The following ANKRD30B variants were observed in gnomAD, a reference collection of about 807,000 sequenced individuals.
ANKRD30B encodes ankyrin repeat domain 30B, also known as ankyrin repeat domain-containing protein 30B.
ANKRD30B carries 144 observed loss-of-function variants against 202.2 expected under a neutral mutation model. The ratio of observed to expected loss-of-function variants is 0.71; its 90% CI spans 0.62 to 0.82. The LOEUF (loss-of-function observed/expected upper bound fraction) is 0.82, where lower values mean the gene tolerates loss of function less well. Ranked by LOEUF, ANKRD30B falls within the 40% of genes least tolerant of loss-of-function variation. The pLI is 0.00. For missense variants in ANKRD30B, 1,487 were observed against 1,669.1 expected (o/e 0.89, Z 1.90); for synonymous variants, 508 against 561.3 (o/e 0.91, Z 1.34).
downstream of ANKRD30B, among the ~76,000 whole-genome samples, chr18:14,854,957 G>C (rs1176077306): frequency 6.6e-6 from 1 of 151,994 alleles, no homozygotes; most frequent in African/African-American, 2.4e-5. Flanking sequence ...CTTGGAGAGG[G>C]GGATGTGGCA....
the ANKRD30B span, among the ~76,000 whole-genome samples, chr18:14,879,073 G>A: frequency 8.6e-5 from 13 of 151,832 alleles, no homozygotes; most frequent in African/African-American, 2.2e-4. Context: ...GCACAGACCC[G>A]GGGGACACCG....
the ANKRD30B span, among the ~76,000 whole-genome samples, chr18:14,899,240 GATGA>G: frequency 6.6e-6 from 1 of 151,950 alleles, no homozygotes; most frequent in Non-Finnish European, 1.5e-5. Flanking sequence ...TTCAACAAAT[GATGA>G]ATGTTCTTCA....
chr18:14,846,871 G>A (rs1971660351), intron 39 of ANKRD30B, among the ~76,000 whole-genome samples: 2 of 150,658 alleles, frequency 1.3e-5, no homozygotes, highest in Non-Finnish European at 1.5e-5. Context: ...TATCCGTTCT[G>A]ACAATCTGCC....
At chr18:14,902,376 T>C in the ANKRD30B span, among the ~76,000 whole-genome samples, 1 of 152,190 alleles carries the variant, frequency 6.6e-6, no homozygotes, top group East Asian at 1.9e-4. Context: ...ATACAAGTAT[T>C]ACAGGCAAAA....
At chr18:14,892,993 G>T in the ANKRD30B span, among the ~76,000 whole-genome samples, 1 of 152,004 alleles carries the variant, frequency 6.6e-6, no homozygotes, top group African/African-American at 2.4e-5. Context: ...TAGGGTTAAG[G>T]ATACCAAAAA....
the ANKRD30B span, among the ~76,000 whole-genome samples, chr18:14,914,449 G>A: frequency 9.2e-5 from 14 of 152,298 alleles, no homozygotes; most frequent in Non-Finnish European, 1.8e-4. Context: ...AGACCAGAGA[G>A]CTCTGGGAAC....
Position 14,810,467 on chromosome 18 carries a change from G to C in ANKRD30B, c.2488+287G>C, listed in dbSNP as rs1462459937. Among the ~76,000 whole-genome samples the C allele has an allele frequency of 3.3e-5, 5 of 151,344 alleles. No individual in the cohort carries two copies. The East Asian group carries it at 9.7e-4, about 29-fold the overall frequency. On this transcript the variant is annotated intron_variant, in intron 28 of 43. Coordinates refer to ENST00000690538, the MANE Select transcript of ANKRD30B (RefSeq NM_001367607.2). ...CTGTACGTGCTCAGTTTTACGGCAG[G>C]TGAATTTTGAAACTGTGAAATATTT...
At chr18:14,799,630 G>T (rs1169917874) in intron 22 of ANKRD30B, among the ~76,000 whole-genome samples, 4 of 152,068 alleles carry the variant, frequency 2.6e-5, no homozygotes, top group Non-Finnish European at 5.9e-5. Flanking sequence ...ATGCTGACTG[G>T]AATTCTGATC....
At chr18:14,766,528 A>T (rs963254348) in intron 7 of ANKRD30B, among the ~76,000 whole-genome samples, 2 of 134,412 alleles carry the variant, frequency 1.5e-5, no homozygotes, top group Admixed American at 7.4e-5. Context: ...GAAAATTGTC[A>T]GGTCAGCAGA....
the ANKRD30B span, among the ~76,000 whole-genome samples, chr18:14,885,188 T>C: frequency 2.0e-5 from 3 of 152,072 alleles, no homozygotes; most frequent in African/African-American, 4.8e-5. Context: ...AATATTTTAG[T>C]TATCACTCCT....
chr18:14,789,104 G>T (rs1030422562), intron 15 of ANKRD30B, among the ~76,000 whole-genome samples: 83 of 152,190 alleles, frequency 5.5e-4, no homozygotes, highest in Non-Finnish European at 1.1e-3. Flanking sequence ...GTGTGAGATG[G>T]TATCTCATTG....
chr18:14,774,207 A>G (rs1352021649), intron 9 of ANKRD30B, among the ~76,000 whole-genome samples: 3 of 152,136 alleles, frequency 2.0e-5, no homozygotes, highest in Non-Finnish European at 4.4e-5. Flanking sequence ...TAGTGTAAAT[A>G]CTGATCAGCA....
the ANKRD30B span, among the ~76,000 whole-genome samples, chr18:14,865,648 T>C: frequency 2.1e-4 from 31 of 150,522 alleles, no homozygotes; most frequent in African/African-American, 7.1e-4. Flanking sequence ...TTCCTCACCA[T>C]CTTTATGCAA....
At chr18:14,793,254 T>C (rs2143942141) in intron 16 of ANKRD30B, among the ~76,000 whole-genome samples, 1 of 152,222 alleles carries the variant, frequency 6.6e-6, no homozygotes, top group African/African-American at 2.4e-5. Context: ...ACTGATGAGA[T>C]GTCAAATCTA....
chr18:14,895,161 T>G, the ANKRD30B span, among the ~76,000 whole-genome samples: 2 of 146,232 alleles, frequency 1.4e-5, no homozygotes, highest in African/African-American at 2.6e-5. Context: ...GAGGGAAGGG[T>G]TGAAAAACCA....
chr18:14,819,792 ACT>A (rs1398680728), intron 30 of ANKRD30B, among the ~76,000 whole-genome samples: 175 of 152,210 alleles, frequency 1.1e-3, no homozygotes, highest in African/African-American at 3.9e-3. Flanking sequence ...GAAGTCAGGT[ACT>A]GTGATGCCTC....
the ANKRD30B span, among the ~76,000 whole-genome samples, chr18:14,882,326 A>C: frequency 1.3e-5 from 2 of 152,230 alleles, no homozygotes; most frequent in Non-Finnish European, 2.9e-5. Flanking sequence ...AGTTCGAAGA[A>C]ATTTTTTACA....
the ANKRD30B span, among the ~76,000 whole-genome samples, chr18:14,896,272 C>G: frequency 6.6e-6 from 1 of 152,100 alleles, no homozygotes; most frequent in African/African-American, 2.4e-5. Flanking sequence ...GCTGGGACTA[C>G]AGGCACCCGC....
intron 7 of ANKRD30B, among the ~76,000 whole-genome samples, chr18:14,766,488 A>C (rs374763808): frequency 4.2e-5 from 3 of 71,370 alleles, no homozygotes; most frequent in African/African-American, 1.3e-4. Flanking sequence ...AAAAAAAAAA[A>C]AAAAAAAAAG....
Sources: allele counts gnomAD v4.1 joint callset (sites outside exome capture counted in the v4.1 genomes callset), GRCh38; gene constraint gnomAD v4.1.1; transcripts MANE v1.5; gene names NCBI Gene and HGNC (gene_info 2026-07-23, HGNC 2026-07-21).